The following SYT1 variants were observed in gnomAD, a reference collection of about 807,000 sequenced individuals.
SYT1 encodes synaptotagmin-1.
In SYT1, 8 loss-of-function variants were observed where a neutral mutation model predicts 44.8. That is an observed-to-expected ratio of 0.18 (90% CI 0.10 to 0.32). The LOEUF is 0.32. Among genes scored for constraint, SYT1 ranks in the 10% least tolerant of loss-of-function variants. The pLI is 1.00. For synonymous variants in SYT1, 154 were observed against 188.8 expected, an observed-to-expected ratio of 0.82 and a Z score of 1.51; for missense variants, 286 against 509.3, an observed-to-expected ratio of 0.56 and a Z score of 4.22.
At chr12:79,209,411 G>C (rs182633788) in intron 3 of SYT1, among the ~76,000 whole-genome samples, 7 of 152,244 alleles carry the variant, frequency 4.6e-5, no homozygotes, top group Admixed American at 3.3e-4. Flanking sequence ...TAGTTTACTA[G>C]GAAATGTTCT....
At chr12:78,883,108 G>A (rs1412651096) in intron 1 of SYT1, among the ~76,000 whole-genome samples, 1 of 151,622 alleles carries the variant, frequency 6.6e-6, no homozygotes, top group Non-Finnish European at 1.5e-5. Flanking sequence ...AAATCTCTGA[G>A]ATTCTATGTG....
chr12:79,071,307 A>G (rs1876256848), intron 3 of SYT1, among the ~76,000 whole-genome samples: 1 of 152,148 alleles, frequency 6.6e-6, no homozygotes, highest in South Asian at 2.1e-4. Flanking sequence ...GCCAGACACT[A>G]TTATGAGTTC....
chr12:79,108,540 A>G (rs888606695), intron 3 of SYT1, among the ~76,000 whole-genome samples: 2 of 151,974 alleles, frequency 1.3e-5, no homozygotes, highest in Non-Finnish European at 2.9e-5. Context: ...AGTGAGAGAG[A>G]CCCTCCCATG....
At chr12:78,900,058 A>G (rs1359328882) in intron 1 of SYT1, among the ~76,000 whole-genome samples, 4 of 152,232 alleles carry the variant, frequency 2.6e-5, no homozygotes, top group South Asian at 2.1e-4. Context: ...GTGACAAACC[A>G]GGTTAATCAA....
chr12:79,071,490 A>T (rs1876273874), intron 3 of SYT1, among the ~76,000 whole-genome samples: 1 of 152,208 alleles, frequency 6.6e-6, no homozygotes, highest in Non-Finnish European at 1.5e-5. Flanking sequence ...TGTATCCCAA[A>T]GCCTAAATGT....
chr12:79,448,930 G>A lies in SYT1; in HGVS notation c.1075G>A (p.Val359Met), dbSNP rs1185784222. The change falls in exon 11 of 11, where the codon GTG becomes ATG. Residue 359 changes from valine (V) to methionine (M), a missense_variant. This residue lies in a region of SYT1 where 14 missense variants were observed against 16.2 expected (regional missense o/e 0.86). Coordinates refer to ENST00000261205, the MANE Select transcript of SYT1 (RefSeq NM_005639.3). ...TGGCTTCTTTCAGAAAGTGCAGGTG[G>A]TGGTAACTGTTTTGGACTATGACAA... ...PFEQIQKVQVVVTVLDYDKIG... is the reference protein window; with the variant it reads ...PFEQIQKVQVMVTVLDYDKIG... 3 of 1,614,136 alleles carry A rather than the reference G, an allele frequency of 1.9e-6. No homozygotes were observed. Among genetic ancestry groups the A allele is most frequent in the South Asian group, 2.2e-5 (2 of 91,080 alleles).
At chr12:79,370,271 C>T (rs898219069) in intron 9 of SYT1, among the ~76,000 whole-genome samples, 2 of 152,010 alleles carry the variant, frequency 1.3e-5, no homozygotes, top group African/African-American at 4.8e-5. Flanking sequence ...ACAGTTCAGG[C>T]AATTGGAGAT....
chr12:79,217,899 CAA>C (rs201280932), intron 4 of SYT1, among the ~76,000 whole-genome samples: 103,844 of 149,342 alleles, frequency 0.7, 36,119 homozygotes, highest in Admixed American at 0.73. Context: ...ATCCAGTTTA[CAA>C]AAAAAAAAAA....
intron 3 of SYT1, among the ~76,000 whole-genome samples, chr12:79,130,192 G>A (rs1417328456): frequency 6.6e-6 from 1 of 152,114 alleles, no homozygotes; most frequent in African/African-American, 2.4e-5. Context: ...TTTTCACAGT[G>A]AGCTGTAACT....
chr12:79,065,090 G>T (rs1019243562), intron 3 of SYT1, among the ~76,000 whole-genome samples: 2 of 152,030 alleles, frequency 1.3e-5, no homozygotes, highest in Non-Finnish European at 2.9e-5. Context: ...AAACTTAAGG[G>T]AGGCCAGCGT....
chr12:79,061,314 C>T (rs566346770), intron 3 of SYT1, among the ~76,000 whole-genome samples: 1 of 152,108 alleles, frequency 6.6e-6, no homozygotes, highest in Non-Finnish European at 1.5e-5. Flanking sequence ...CAGAGACACG[C>T]TCATATACAC....
At chr12:79,058,987 C>T (rs376853805) in intron 3 of SYT1, among the ~76,000 whole-genome samples, 59 of 151,968 alleles carry the variant, frequency 3.9e-4, no homozygotes, top group African/African-American at 5.6e-4. Flanking sequence ...AAGACATACC[C>T]AAGACTGGGT....
In SYT1 at chr12:79,280,311, G is replaced by A. The variant is rs940680137; in HGVS notation, c.167-5476G>A. ...AAAGTAATATAAAAGTAGACATATAGACCAATGAAACAGAATATACCCAGA... is the reference window on the plus strand; with the variant it reads ...AAAGTAATATAAAAGTAGACATATAAACCAATGAAACAGAATATACCCAGA... On this transcript the variant is annotated intron_variant, in intron 4 of 10. Coordinates refer to ENST00000261205, the MANE Select transcript of SYT1 (RefSeq NM_005639.3). Among the ~76,000 whole-genome samples the A allele has an allele frequency of 2.6e-5, 4 of 152,052 alleles. No individual in the cohort carries two copies. The East Asian group carries it at 5.8e-4, about 22-fold the overall frequency.
chr12:79,178,603 T>G (rs1345020618), intron 3 of SYT1, among the ~76,000 whole-genome samples: 1 of 151,912 alleles, frequency 6.6e-6, no homozygotes, highest in Non-Finnish European at 1.5e-5. Flanking sequence ...TTTACTGCAA[T>G]ATTATTTTTC....
chr12:79,288,818 A>C (rs895558798), intron 5 of SYT1, among the ~76,000 whole-genome samples: 1 of 151,942 alleles, frequency 6.6e-6, no homozygotes, highest in Non-Finnish European at 1.5e-5. Context: ...GTGTCTCATG[A>C]CTGTTCTGGA....
chr12:78,955,406 T>C (rs1879156304), intron 1 of SYT1: 1 of 152,162 alleles, frequency 6.6e-6, no homozygotes, highest in Admixed American at 6.6e-5. Flanking sequence ...TGGGTCATTA[T>C]AACAAAATAC....
At chr12:79,346,333 TGAA>T (rs1882605519) in intron 8 of SYT1, among the ~76,000 whole-genome samples, 1 of 152,210 alleles carries the variant, frequency 6.6e-6, no homozygotes, top group Non-Finnish European at 1.5e-5. Context: ...TTAAAAATAA[TGAA>T]ATTATCAAGC....
intron 9 of SYT1, among the ~76,000 whole-genome samples, chr12:79,440,397 T>C (rs1221293560): frequency 6.6e-6 from 1 of 152,094 alleles, no homozygotes; most frequent in African/African-American, 2.4e-5. Context: ...GGGAACAGAA[T>C]GAATCCATAC....
chr12:78,915,623 G>A (rs1039609822), intron 1 of SYT1, among the ~76,000 whole-genome samples: 4 of 151,670 alleles, frequency 2.6e-5, no homozygotes, highest in African/African-American at 9.7e-5. Flanking sequence ...GTATTGAATG[G>A]TTCTTTTCCT....
Sources: gnomAD v4.1 joint callset for allele counts (sites outside exome capture counted in the v4.1 genomes callset) on GRCh38, gnomAD v4.1.1 for gene constraint, gnomAD v4.1.1 regional missense constraint, MANE v1.5 for transcripts, NCBI Gene and HGNC (gene_info 2026-07-23, HGNC 2026-07-21) for gene names.